The following ABHD6 variants were observed in gnomAD, a reference collection of about 807,000 sequenced individuals.
ABHD6 encodes abhydrolase domain containing 6, acylglycerol lipase.
Under a neutral mutation model 38.8 loss-of-function variants are expected in ABHD6, and 33 were observed. The ratio of observed to expected loss-of-function variants is 0.85; its 90% CI spans 0.64 to 1.14. ABHD6 has a LOEUF of 1.14. Ranked by LOEUF, ABHD6 falls within the 50% of genes most tolerant of loss-of-function variation. The pLI, the probability that ABHD6 is intolerant of heterozygous loss-of-function variation, is 0.00. For synonymous variants in ABHD6, 147 were observed against 161.6 expected, an observed-to-expected ratio of 0.91 and a Z score of 0.69; for missense variants, 380 against 422.6, an observed-to-expected ratio of 0.90 and a Z score of 0.88.
At chr3:58,286,682 C>A (rs1329621592) in intron 9 of ABHD6, among the ~76,000 whole-genome samples, 3 of 151,262 alleles carry the variant, frequency 2.0e-5, no homozygotes, top group Non-Finnish European at 2.9e-5. Context: ...TACTCCTATT[C>A]TAAGCACACG....
chr3:58,275,184 A>G (rs376040156), intron 7 of ABHD6, among the ~76,000 whole-genome samples: 27 of 152,256 alleles, frequency 1.8e-4, no homozygotes, highest in Non-Finnish European at 2.9e-4. Context: ...CAGAGGTGGA[A>G]AAACATACAT....
rs769929441 is a variant in ABHD6, at chr3:58,269,290, A to T, written c.277-31A>T. On this transcript the variant is annotated intron_variant, in intron 4 of 9. Transcript: ENST00000478253. The surrounding 1 kb of genome is among the most constrained non-coding windows in gnomAD (Gnocchi z 4.4). ...TGGGCAGACATGTTTTGCACACCAC[A>T]TACTGACTCTCTGGGTCTGTGTGTC... 3 of 1,566,048 alleles carry T rather than the reference A, an allele frequency of 1.9e-6. No individual in the cohort carries two copies. The African/African-American group carries it at 4.1e-5, about 21-fold the overall frequency.
At chr3:58,289,559 C>T (rs1462374685) in intron 9 of ABHD6, among the ~76,000 whole-genome samples, 3 of 152,022 alleles carry the variant, frequency 2.0e-5, no homozygotes, top group East Asian at 1.9e-4. Flanking sequence ...GGGGTAAGGT[C>T]ACAGATCAAC....
At chr3:58,286,695 T>C (rs1442507307) in intron 9 of ABHD6, among the ~76,000 whole-genome samples, 1 of 151,092 alleles carries the variant, frequency 6.6e-6, no homozygotes, top group African/African-American at 2.4e-5. Context: ...AGCACACGTA[T>C]AGTGTATATA....
At chr3:58,264,350 C>G (rs1007433129) in intron 3 of ABHD6, among the ~76,000 whole-genome samples, 1 of 149,734 alleles carries the variant, frequency 6.7e-6, no homozygotes, top group African/African-American at 2.4e-5. Context: ...AGATTGCTTT[C>G]TTAGAAAGCC....
intron 3 of ABHD6, among the ~76,000 whole-genome samples, chr3:58,264,125 A>G (rs570070307): frequency 6.6e-6 from 1 of 152,180 alleles, no homozygotes; most frequent in South Asian, 2.1e-4. Flanking sequence ...TCACCTAGCT[A>G]TATGGTAGTT....
At chr3:58,240,175 GAA>G (rs924111990) in intron 1 of ABHD6, among the ~76,000 whole-genome samples, 25 of 151,872 alleles carry the variant, frequency 1.6e-4, no homozygotes, top group Admixed American at 1.6e-3. Flanking sequence ...AATAAATAAA[GAA>G]TGAGTGTTTA....
chr3:58,286,870 G>GTGTATATATA (rs2097457742), intron 9 of ABHD6, among the ~76,000 whole-genome samples: 4 of 75,054 alleles, frequency 5.3e-5, no homozygotes, highest in African/African-American at 1.7e-4. Flanking sequence ...ATATATATAT[G>GTGTATATATA]TATATGTATA....
intron 9 of ABHD6, among the ~76,000 whole-genome samples, chr3:58,290,662 T>C (rs1182911975): frequency 1.6e-5 from 2 of 122,412 alleles, no homozygotes; most frequent in Non-Finnish European, 3.4e-5. Flanking sequence ...CCTTCTCAGA[T>C]GGGGCGGCTG....
chr3:58,255,462 C>CTTTTTTTTTTTTTTTTTTTTTTTT (rs373989173), intron 2 of ABHD6, among the ~76,000 whole-genome samples: 1 of 129,778 alleles, frequency 7.7e-6, no homozygotes, highest in African/African-American at 2.9e-5. Context: ...AAAAGTCTGT[C>CTTTTTTTTTTTTTTTTTTTTTTTT]TTTTTTTTTT....
chr3:58,270,079 A>G (rs1008082663), intron 5 of ABHD6, among the ~76,000 whole-genome samples: 7 of 152,164 alleles, frequency 4.6e-5, no homozygotes, highest in Admixed American at 2.0e-4. Context: ...TCCTGTACAT[A>G]ATAGATATCC....
At position 58,246,408 on chromosome 3, in the gene ABHD6, C is replaced by G. The variant is rs367719228; in HGVS notation, c.-90-3470C>G. Among the ~76,000 whole-genome samples the G allele has an allele frequency of 2.8e-4, 42 of 152,354 alleles. No individual in the cohort carries two copies. The South Asian group carries it at 3.5e-3, about 13-fold the overall frequency. On this transcript the variant is annotated intron_variant, in intron 1 of 9. Coordinates refer to ENST00000478253, the MANE Select transcript of ABHD6 (RefSeq NM_001320126.2). ...GCTGTACCACAGGATACACAACCCC[C>G]CTGCCTTCCAGCTGAGCCTCGGACT...
chr3:58,244,992 A>G (rs1201994299), intron 1 of ABHD6, among the ~76,000 whole-genome samples: 1 of 152,146 alleles, frequency 6.6e-6, no homozygotes, highest in African/African-American at 2.4e-5. Context: ...GATTCTGGCT[A>G]GAAAGAAGAT....
intron 1 of ABHD6, among the ~76,000 whole-genome samples, chr3:58,242,472 C>G (rs1024309808): frequency 1.3e-5 from 2 of 152,224 alleles, no homozygotes; most frequent in Admixed American, 1.3e-4. Flanking sequence ...TGCATTGACA[C>G]TGGTGGGGCA....
At chr3:58,249,570 G>A (rs2097428622) in intron 1 of ABHD6, among the ~76,000 whole-genome samples, 1 of 152,190 alleles carries the variant, frequency 6.6e-6, no homozygotes, top group African/African-American at 2.4e-5. Flanking sequence ...ATGGAGGAGA[G>A]CTTTAACTAT....
At chr3:58,286,025 G>GT (rs60835863) in intron 9 of ABHD6, among the ~76,000 whole-genome samples, 35 of 136,824 alleles carry the variant, frequency 2.6e-4, no homozygotes, top group Non-Finnish European at 3.6e-4. Flanking sequence ...TTGTTCTTTT[G>GT]TTTTTTTTTT....
chr3:58,249,368 A>G (rs2097428502), intron 1 of ABHD6, among the ~76,000 whole-genome samples: 1 of 151,904 alleles, frequency 6.6e-6, no homozygotes, highest in African/African-American at 2.4e-5. Context: ...TCCTTTGCTC[A>G]TCTCATTCTC....
intron 7 of ABHD6, among the ~76,000 whole-genome samples, chr3:58,276,431 T>G (rs1014010707): frequency 2.0e-5 from 3 of 152,230 alleles, no homozygotes; most frequent in Non-Finnish European, 4.4e-5. Context: ...GAAGTGTCTG[T>G]TCATATCCTT....
intron 9 of ABHD6, among the ~76,000 whole-genome samples, chr3:58,288,473 A>G (rs748249754): frequency 1.1e-4 from 16 of 152,208 alleles, no homozygotes; most frequent in Non-Finnish European, 2.1e-4. Flanking sequence ...AGGGCCATCT[A>G]GAGACAGACA....
Sources: allele counts gnomAD v4.1 joint callset (sites outside exome capture counted in the v4.1 genomes callset), GRCh38; gene constraint gnomAD v4.1.1; non-coding constraint Gnocchi (gnomAD v3.1); transcripts MANE v1.5; gene names NCBI Gene and HGNC (gene_info 2026-07-23, HGNC 2026-07-21).